Variants in CDH10 observed in about 807,000 individuals in gnomAD.
The protein encoded by CDH10 is cadherin-10.
In CDH10, 30 loss-of-function variants were observed where a neutral mutation model predicts 73.1. The ratio of observed to expected loss-of-function variants is 0.41; its 90% CI spans 0.31 to 0.56. CDH10 has a LOEUF of 0.56. Ranked by LOEUF, CDH10 falls within the 20% of genes least tolerant of loss-of-function variation. The probability of loss-of-function intolerance (pLI) is 0.27; values close to 1 mark genes in which losing one functional copy is unlikely to be tolerated. For missense variants in CDH10, 815 were observed against 973.7 expected, an observed-to-expected ratio of 0.84 and a Z score of 2.17; for synonymous variants, 345 against 348.2, an observed-to-expected ratio of 0.99 and a Z score of 0.10.
At chr5:24,516,291 G>T (rs6863021) in intron 5 of CDH10, among the ~76,000 whole-genome samples, 9 of 151,964 alleles carry the variant, frequency 5.9e-5, no homozygotes, top group Non-Finnish European at 1.0e-4. Flanking sequence ...TCAATTAGGT[G>T]TTTCTGCCAG....
At chr5:24,489,111 C>T in intron 11 of CDH10, among the ~76,000 whole-genome samples, 1 of 151,814 alleles carries the variant, frequency 6.6e-6, no homozygotes, top group East Asian at 1.9e-4. Context: ...AGTGTGAACT[C>T]AATTAGATAA....
intron 5 of CDH10, among the ~76,000 whole-genome samples, chr5:24,518,227 T>A (rs1561136566): frequency 6.6e-6 from 1 of 152,142 alleles, no homozygotes; most frequent in Non-Finnish European, 1.5e-5. Context: ...CACGTTAATA[T>A]CTCTGAAACG....
chr5:24,588,931 T>C (rs1453656376), intron 2 of CDH10, among the ~76,000 whole-genome samples: 1 of 152,182 alleles, frequency 6.6e-6, no homozygotes, highest in Non-Finnish European at 1.5e-5. Flanking sequence ...CCTCAAACTG[T>C]TTTATTTTCA....
chr5:24,505,838 G>A (rs775236111), intron 7 of CDH10, among the ~76,000 whole-genome samples: 1 of 152,132 alleles, frequency 6.6e-6, no homozygotes, highest in Non-Finnish European at 1.5e-5. Context: ...CTGGATGGCC[G>A]GGCACAGGGG....
chr5:24,554,116 G>A (rs1452914862), intron 2 of CDH10: 1 of 26,338 alleles, frequency 3.8e-5, no homozygotes, highest in African/African-American at 1.3e-4. Flanking sequence ...GTGGGCGGGG[G>A]GGGGAGAGAG....
intron 8 of CDH10, 87 bp downstream of exon 8, chr5:24,505,025 T>C: frequency 2.2e-6 from 2 of 927,348 alleles, no homozygotes; most frequent in Non-Finnish European, 1.6e-6. Context: ...TAATGTAAAA[T>C]AAAACCTATA....
At chr5:24,629,901 C>T (rs1579487387) in intron 1 of CDH10, among the ~76,000 whole-genome samples, 1 of 152,032 alleles carries the variant, frequency 6.6e-6, no homozygotes, top group East Asian at 1.9e-4. Flanking sequence ...AGAATATTTT[C>T]CAGTGGAAAG....
chr5:24,557,984 TA>T (rs1422547203), intron 2 of CDH10, among the ~76,000 whole-genome samples: 9 of 151,768 alleles, frequency 5.9e-5, no homozygotes, highest in African/African-American at 2.2e-4. Flanking sequence ...TTCAAATTTT[TA>T]GAAACAAGAG....
chr5:24,499,458 G>GACTA (rs1742410937), intron 8 of CDH10: 2 of 152,722 alleles, frequency 1.3e-5, no homozygotes, highest in Admixed American at 6.5e-5. Context: ...GACTAAGGCA[G>GACTA]GTGCATCACT....
At chr5:24,495,169 C>T (rs576347333) in intron 9 of CDH10, among the ~76,000 whole-genome samples, 277 of 152,302 alleles carry the variant, frequency 1.8e-3, no homozygotes, top group African/African-American at 6.3e-3. Context: ...TAAGCATCCA[C>T]TGTTTTGTTT....
At chr5:24,519,722 A>G (rs569210405) in intron 5 of CDH10, among the ~76,000 whole-genome samples, 17 of 152,240 alleles carry the variant, frequency 1.1e-4, no homozygotes, top group Admixed American at 2.0e-4. Context: ...ATGTGGTAGA[A>G]TAAAAACTAT....
At chr5:24,523,843 G>A (rs908313767) in intron 5 of CDH10, among the ~76,000 whole-genome samples, 6 of 152,070 alleles carry the variant, frequency 3.9e-5, no homozygotes, top group African/African-American at 1.4e-4. Context: ...AAGTGATCAT[G>A]CTCCACTGTT....
At chr5:24,608,046 C>T (rs535876324) in intron 1 of CDH10, among the ~76,000 whole-genome samples, 37 of 151,972 alleles carry the variant, frequency 2.4e-4, no homozygotes, top group East Asian at 3.9e-4. Context: ...TATTAATCTT[C>T]GGAGGAAAAA....
intron 5 of CDH10, among the ~76,000 whole-genome samples, chr5:24,533,406 A>C (rs1389972328): frequency 6.6e-6 from 1 of 151,964 alleles, no homozygotes; most frequent in Non-Finnish European, 1.5e-5. Flanking sequence ...AATCCTCTAA[A>C]TGTATTGTAC....
intron 8 of CDH10, 53 bp downstream of exon 8, chr5:24,505,059 A>T (rs2111724470): frequency 8.1e-7 from 1 of 1,234,982 alleles, no homozygotes; most frequent in Non-Finnish European, 1.2e-6. Context: ...TGCATAAAAT[A>T]TATAAACATA....
chr5:24,504,403 T>C (rs914381454), intron 8 of CDH10, among the ~76,000 whole-genome samples: 1 of 151,494 alleles, frequency 6.6e-6, no homozygotes, highest in Admixed American at 6.6e-5. Flanking sequence ...TTCTTTGTCA[T>C]CCTAGTATAA....
chr5:24,604,887 A>C (rs1239307436), intron 1 of CDH10, among the ~76,000 whole-genome samples: 4 of 150,298 alleles, frequency 2.7e-5, no homozygotes, highest in African/African-American at 1.0e-4. Context: ...AAAAAAAAAA[A>C]AAAAAAAACA....
At chr5:24,628,999 T>C (rs902027980) in intron 1 of CDH10, among the ~76,000 whole-genome samples, 5 of 152,142 alleles carry the variant, frequency 3.3e-5, no homozygotes, top group African/African-American at 9.7e-5. Flanking sequence ...AGTACTTCCA[T>C]GCATTATTTT....
intron 2 of CDH10, among the ~76,000 whole-genome samples, chr5:24,558,153 A>G (rs1321494019): frequency 6.6e-6 from 1 of 151,570 alleles, no homozygotes; most frequent in African/African-American, 2.4e-5. Context: ...TGGAAGTCTT[A>G]AATCCTCTGT....
Sources: gnomAD v4.1 joint callset for allele counts (sites outside exome capture counted in the v4.1 genomes callset) on GRCh38, gnomAD v4.1.1 for gene constraint, MANE v1.5 for transcripts, NCBI Gene and HGNC (gene_info 2026-07-23, HGNC 2026-07-21) for gene names.